GPC6: variants seen among roughly 807,000 people sequenced by gnomAD.
GPC6 encodes the protein glypican-6.
Under a neutral mutation model 55.2 loss-of-function variants are expected in GPC6, and 14 were observed. The observed-to-expected ratio is 0.25, with a 90% confidence interval of 0.17 to 0.40. GPC6 has a LOEUF of 0.40. GPC6 is among the 10% of genes least tolerant of loss of function. The pLI, the probability that GPC6 is intolerant of heterozygous loss-of-function variation, is 1.00. For synonymous variants in GPC6, 278 were observed against 259.6 expected (o/e 1.07, Z -0.68); for missense variants, 641 against 708.5 (o/e 0.90, Z 1.08).
At chr13:93,702,056 A>G (rs562751350) in intron 2 of GPC6, among the ~76,000 whole-genome samples, 1 of 152,148 alleles carries the variant, frequency 6.6e-6, no homozygotes, top group East Asian at 1.9e-4. Flanking sequence ...AAGGTTTTCA[A>G]TTTACTTTGC....
chr13:93,510,836 G>T (rs899764755), intron 1 of GPC6, among the ~76,000 whole-genome samples: 3 of 149,608 alleles, frequency 2.0e-5, no homozygotes, highest in African/African-American at 7.3e-5. Context: ...TAGCTATTCT[G>T]ACCGGGGTAA....
chr13:93,919,219 G>A (rs1409400044), intron 3 of GPC6, among the ~76,000 whole-genome samples: 1 of 152,188 alleles, frequency 6.6e-6, no homozygotes, highest in Admixed American at 6.5e-5. Context: ...GCAGCCTGCA[G>A]AGCCATGAGC....
chr13:94,235,985 G>A (rs1890867313), intron 4 of GPC6, among the ~76,000 whole-genome samples: 1 of 152,080 alleles, frequency 6.6e-6, no homozygotes, highest in Non-Finnish European at 1.5e-5. Context: ...ACTAAAGAAG[G>A]GATTAATTTC....
At chr13:93,494,478 G>A (rs1018899044) in intron 1 of GPC6, among the ~76,000 whole-genome samples, 3 of 152,048 alleles carry the variant, frequency 2.0e-5, no homozygotes, top group African/African-American at 7.3e-5. Flanking sequence ...TTTTTATCCA[G>A]CTTGCCAGTC....
At chr13:93,421,808 T>C (rs1461868668) in intron 1 of GPC6, among the ~76,000 whole-genome samples, 1 of 152,146 alleles carries the variant, frequency 6.6e-6, no homozygotes, top group Non-Finnish European at 1.5e-5. Flanking sequence ...AGGAAAGTTG[T>C]TTTTTATTAG....
At chr13:94,399,471 T>C (rs571892980) in intron 8 of GPC6, among the ~76,000 whole-genome samples, 2 of 152,338 alleles carry the variant, frequency 1.3e-5, no homozygotes, top group East Asian at 3.9e-4. Context: ...CTTGTTGCTT[T>C]TTAAAAATAT....
chr13:93,504,482 G>GTTTTT (rs55771607), intron 1 of GPC6, among the ~76,000 whole-genome samples: 5 of 129,984 alleles, frequency 3.8e-5, no homozygotes, highest in Non-Finnish European at 8.0e-5. Flanking sequence ...AAACAACATA[G>GTTTTT]TTTTTTTTTT....
Position 94,191,797 on chromosome 13 carries a change from T to C in GPC6, c.878-94552T>C, listed in dbSNP as rs188420871. Among the ~76,000 whole-genome samples the C allele has an allele frequency of 2.0e-5, 3 of 152,240 alleles. No homozygotes were observed. In the East Asian group the frequency reaches 5.8e-4, roughly 29 times the overall value. ...TGAGTTAGAGATGTTCAATTTCATC[T>C]CCAAGGGGAACTGGTGAAGGTAACA... is the stretch of plus-strand genomic sequence containing the variant. On this transcript the variant is annotated intron_variant, in intron 4 of 8. Transcript: ENST00000377047.
chr13:93,432,070 T>G (rs887768281), intron 1 of GPC6, among the ~76,000 whole-genome samples: 2 of 152,142 alleles, frequency 1.3e-5, no homozygotes, highest in Non-Finnish European at 2.9e-5. Flanking sequence ...AATTGCAGCA[T>G]CCTTTGGTGG....
intron 4 of GPC6, among the ~76,000 whole-genome samples, chr13:94,222,715 C>A (rs746058671): frequency 6.6e-6 from 1 of 152,110 alleles, no homozygotes; most frequent in African/African-American, 2.4e-5. Context: ...CAAGAAGTAT[C>A]TAACAGAGAA....
intron 4 of GPC6, among the ~76,000 whole-genome samples, chr13:94,121,660 T>C (rs1566433562): frequency 6.6e-6 from 1 of 152,158 alleles, no homozygotes; most frequent in South Asian, 2.1e-4. Flanking sequence ...GCCAACATGA[T>C]TGTGAACCCA....
At chr13:93,514,245 T>C (rs1881099370) in intron 1 of GPC6, among the ~76,000 whole-genome samples, 1 of 152,092 alleles carries the variant, frequency 6.6e-6, no homozygotes. Flanking sequence ...CAGACGTCTG[T>C]GTGGCAGGAG....
intron 1 of GPC6, among the ~76,000 whole-genome samples, chr13:93,454,087 C>G (rs2999500): frequency 0.4 from 60,797 of 151,838 alleles, 12,669 homozygotes; most frequent in Admixed American, 0.5. Context: ...CACAAAGGTT[C>G]TCCAAGGCCC....
At chr13:94,149,074 A>ACATT (rs995280672) in intron 4 of GPC6, among the ~76,000 whole-genome samples, 32 of 152,318 alleles carry the variant, frequency 2.1e-4, no homozygotes, top group Admixed American at 2.1e-3. Flanking sequence ...TTTGCAAAAC[A>ACATT]CATTCCCTTT....
At chr13:93,584,675 C>T (rs1477921328) in intron 2 of GPC6, among the ~76,000 whole-genome samples, 1 of 146,804 alleles carries the variant, frequency 6.8e-6, no homozygotes, top group Non-Finnish European at 1.5e-5. Context: ...ACCATGTTAC[C>T]TTCTGAAAGT....
intron 4 of GPC6, among the ~76,000 whole-genome samples, chr13:94,109,149 C>A (rs1388775806): frequency 6.6e-6 from 1 of 152,120 alleles, no homozygotes; most frequent in Admixed American, 6.6e-5. Flanking sequence ...CATGGCCTTG[C>A]AGGATGTTTG....
chr13:94,102,787 G>C (rs1188380599), intron 4 of GPC6, among the ~76,000 whole-genome samples: 1 of 152,162 alleles, frequency 6.6e-6, no homozygotes, highest in Non-Finnish European at 1.5e-5. Context: ...TAAAATGAGA[G>C]TCAGAGGACC....
At chr13:93,795,180 G>GTA (rs1350383703) in intron 2 of GPC6, among the ~76,000 whole-genome samples, 4 of 152,122 alleles carry the variant, frequency 2.6e-5, no homozygotes, top group Admixed American at 2.6e-4. Context: ...TATAATAGTT[G>GTA]TATATATGTA....
At chr13:93,347,533 C>CTCCCCT (rs1880472359) in intron 1 of GPC6, among the ~76,000 whole-genome samples, 1 of 152,114 alleles carries the variant, frequency 6.6e-6, no homozygotes, top group Non-Finnish European at 1.5e-5. Context: ...GAGAAGCAAT[C>CTCCCCT]TCCCCTTCCC....
Sources: gnomAD v4.1 joint callset for allele counts (sites outside exome capture counted in the v4.1 genomes callset) on GRCh38, gnomAD v4.1.1 for gene constraint, MANE v1.5 for transcripts, NCBI Gene and HGNC (gene_info 2026-07-23, HGNC 2026-07-21) for gene names.